CDS1: variants seen among roughly 807,000 people sequenced by gnomAD.
CDS1 encodes the protein CDP-diacylglycerol synthase 1.
A neutral mutation model predicts 62.1 loss-of-function variants in CDS1; 41 were observed. That is an observed-to-expected ratio of 0.66 (90% CI 0.51 to 0.86). The LOEUF is 0.86. CDS1 is among the 40% of genes least tolerant of loss of function. The pLI is 0.00. For synonymous variants in CDS1, 185 were observed against 192.6 expected, an observed-to-expected ratio of 0.96 and a Z score of 0.32; for missense variants, 470 against 550.1, an observed-to-expected ratio of 0.85 and a Z score of 1.46.
intron 4 of CDS1, among the ~76,000 whole-genome samples, chr4:84,618,243 T>C (rs1723562583): frequency 6.6e-6 from 1 of 152,188 alleles, no homozygotes; most frequent in Non-Finnish European, 1.5e-5. Context: ...AGTTGATAAA[T>C]ATCAACCAGG....
At chr4:84,620,037 AAAAAG>A (rs1418342315) in intron 5 of CDS1, among the ~76,000 whole-genome samples, 52 of 151,422 alleles carry the variant, frequency 3.4e-4, no homozygotes, top group Non-Finnish European at 4.7e-4. Context: ...AAAAAAAAAA[AAAAAG>A]AAAGAATCAC....
At position 84,650,225 on chromosome 4, in the gene CDS1, G is replaced by GA. The variant is rs1330841141; in HGVS notation, c.*1540dup. On this transcript the variant is annotated 3_prime_UTR_variant, in exon 13 of 13. Coordinates refer to ENST00000295887, the MANE Select transcript of CDS1 (RefSeq NM_001263.4). ...CCAGCACCTCCTCACATGCACACAT[G>GA]ATTAGACATAGGTGCACTCGGTACC... 1.3e-5 allele frequency: 2 copies of GA among 152,142 alleles called. No homozygotes were observed. The highest frequency in any genetic ancestry group is 2.9e-5 in the Non-Finnish European group (2 of 68,036). 9.4% of individuals were successfully genotyped at this position (152,142 alleles called of 1,614,324 possible).
chr4:84,604,851 C>T (rs1457179949), intron 2 of CDS1, among the ~76,000 whole-genome samples: 4 of 152,076 alleles, frequency 2.6e-5, no homozygotes, highest in Non-Finnish European at 5.9e-5. Flanking sequence ...CTCCTGGGCT[C>T]AAGCAGTCTG....
At chr4:84,615,341 A>G (rs1723455203) in intron 3 of CDS1, among the ~76,000 whole-genome samples, 1 of 152,032 alleles carries the variant, frequency 6.6e-6, no homozygotes, top group Admixed American at 6.6e-5. Context: ...TCACCGCCCC[A>G]GCCCACTGTT....
Position 84,631,824 on chromosome 4 carries a change from T to A in CDS1, c.586T>A (p.Cys196Ser), listed in dbSNP as rs779827040. 6.2e-7 allele frequency: 1 copy of A among 1,612,554 alleles called. No individual in the cohort carries two copies. The highest frequency in any genetic ancestry group is 8.5e-7 in the Non-Finnish European group (1 of 1,178,658). ...TGTTTTTTGTTCTTGAACAGGTTTC[T>A]GCATGTTTGTACTGAGTTTGGTGAA... Reference protein sequence around the residue: ...ISFALYLAGFCMFVLSLVKKH... With the variant: ...ISFALYLAGFSMFVLSLVKKH... The change falls in exon 6 of 13, where the codon TGC becomes AGC. Residue 196 changes from cysteine (C) to serine (S), a missense_variant. Physicochemically the swap from Cys to Ser is moderately radical, Grantham distance 112. Around this residue, in one of 5 missense-constraint regions of CDS1, gnomAD observed 214 missense variants for 242.4 expected, o/e 0.88. Coordinates refer to ENST00000295887, the MANE Select transcript of CDS1 (RefSeq NM_001263.4).
intron 1 of CDS1, among the ~76,000 whole-genome samples, chr4:84,597,278 A>G (rs895025907): frequency 2.0e-5 from 3 of 152,168 alleles, no homozygotes; most frequent in Admixed American, 6.5e-5. Flanking sequence ...GGCTTTATCA[A>G]TTATCATTAA....
chr4:84,626,907 G>A (rs568479547), intron 5 of CDS1, among the ~76,000 whole-genome samples: 49 of 152,292 alleles, frequency 3.2e-4, no homozygotes, highest in African/African-American at 1.1e-3. Flanking sequence ...TGTTTGCTGA[G>A]TCTTGAGGCC....
Position 84,617,590 on chromosome 4 carries a change from C to T in CDS1, c.369C>T (p.Phe123=). The T allele has an allele frequency of 6.3e-7, 1 of 1,588,864 alleles. No individual in the cohort carries two copies. Among genetic ancestry groups the T allele is most frequent in the Non-Finnish European group, 8.6e-7 (1 of 1,160,608 alleles). ...LLVLGIQVKC[F]HEIITIGYRV... ...TTCTGGGCATCCAAGTGAAATGCTT[C>T]CATGAAATTATCACTATAGGTTATA... The change falls in exon 4 of 13, where the codon TTC becomes TTT. Residue 123 remains phenylalanine, a synonymous_variant. Coordinates refer to ENST00000295887, the MANE Select transcript of CDS1 (RefSeq NM_001263.4).
chr4:84,593,569 A>G (rs976316885), intron 1 of CDS1, among the ~76,000 whole-genome samples: 2 of 151,996 alleles, frequency 1.3e-5, no homozygotes, highest in Admixed American at 6.6e-5. Flanking sequence ...CAGTGGCACA[A>G]TCTTGGCTCA....
rs919487576 is a variant in CDS1, at chr4:84,649,286, C to T, written c.*600C>T. On this transcript the variant is annotated 3_prime_UTR_variant, in exon 13 of 13. Coordinates refer to ENST00000295887, the MANE Select transcript of CDS1 (RefSeq NM_001263.4). ...TAGTTTCAAAATTCAGGGGAGGGAG[C>T]CTGAAATTTTTGCCATGATTGGTTT... The T allele has an allele frequency of 1.3e-5, 2 of 152,028 alleles. No homozygotes were observed. Among genetic ancestry groups the T allele is most frequent in the African/African-American group, 4.8e-5 (2 of 41,370 alleles). The allele number at this position is 152,028 out of a possible 1,614,324, so 9.4% of individuals were successfully genotyped here. A position where few individuals can be genotyped will look rare whatever the true frequency, so the allele number is the denominator to read the frequency against.
chr4:84,645,336 AC>A lies in CDS1; in HGVS notation c.1256+12del. 6.9e-7 allele frequency: 1 copy of A among 1,449,672 alleles called. No individual in the cohort carries two copies. Among genetic ancestry groups the A allele is most frequent in the Non-Finnish European group, 9.7e-7 (1 of 1,034,878 alleles). The allele number at this position is 1,449,672 out of a possible 1,614,324, so 89.8% of individuals were successfully genotyped here. A position where few individuals can be genotyped will look rare whatever the true frequency, so the allele number is the denominator to read the frequency against. On this transcript the variant is annotated intron_variant, in intron 12 of 12. Transcript: ENST00000295887. ...CACAAGTTTTATAAGGTACTTTTAC[AC>A]TTGAGACATTTTTTAGATGATTTCT...
intron 1 of CDS1, among the ~76,000 whole-genome samples, chr4:84,594,566 G>C (rs1722692310): frequency 6.6e-6 from 1 of 151,940 alleles, no homozygotes; most frequent in Admixed American, 6.6e-5. Context: ...GCATATTCTA[G>C]TTCTCTATAG....
At chr4:84,597,713 A>C (rs1467758656) in intron 1 of CDS1, among the ~76,000 whole-genome samples, 1 of 152,166 alleles carries the variant, frequency 6.6e-6, no homozygotes, top group Non-Finnish European at 1.5e-5. Context: ...TCGTTCACCA[A>C]ACTGCTGACT....
Position 84,651,153 on chromosome 4 carries a change from T to C in CDS1, c.*2467T>C, listed in dbSNP as rs1325895227. 6.6e-6 allele frequency: 1 copy of C among 152,218 alleles called. No individual in the cohort carries two copies. The highest frequency in any genetic ancestry group is 6.5e-5 in the Admixed American group (1 of 15,288). The allele number at this position is 152,218 out of a possible 1,614,324, so 9.4% of individuals were successfully genotyped here. A position where few individuals can be genotyped will look rare whatever the true frequency, so the allele number is the denominator to read the frequency against. ...ACACACACCCCTCTTTTTAAAATTA[T>C]TGTATCTCTTCCTTTTCACTTTGGT... On this transcript the variant is annotated 3_prime_UTR_variant, in exon 13 of 13. Coordinates refer to ENST00000295887, the MANE Select transcript of CDS1 (RefSeq NM_001263.4).
intron 2 of CDS1, among the ~76,000 whole-genome samples, chr4:84,605,860 A>G (rs1193665697): frequency 6.6e-6 from 1 of 152,178 alleles, no homozygotes; most frequent in Non-Finnish European, 1.5e-5. Flanking sequence ...GCAGCCTTGT[A>G]ACACAGGTAT....
intron 1 of CDS1, among the ~76,000 whole-genome samples, chr4:84,592,212 G>A (rs1023679729): frequency 7.5e-6 from 1 of 133,920 alleles, no homozygotes; most frequent in Non-Finnish European, 1.5e-5. Context: ...CACCCAGGCT[G>A]GAGTGCAGTG....
chr4:84,603,010 CATT>C (rs1722984209), intron 1 of CDS1, among the ~76,000 whole-genome samples: 1 of 152,162 alleles, frequency 6.6e-6, no homozygotes, highest in Non-Finnish European at 1.5e-5. Context: ...CGAAGACTAA[CATT>C]ATATTTGGTG....
chr4:84,593,801 C>T (rs1244769591), intron 1 of CDS1, among the ~76,000 whole-genome samples: 3 of 152,062 alleles, frequency 2.0e-5, no homozygotes, highest in Non-Finnish European at 4.4e-5. Flanking sequence ...ACCGTGCTGG[C>T]CTACAAGTGG....
intron 11 of CDS1, among the ~76,000 whole-genome samples, 175 bp from the exon 12 acceptor site, chr4:84,645,047 G>C (rs905185895): frequency 6.6e-6 from 1 of 152,188 alleles, no homozygotes; most frequent in Non-Finnish European, 1.5e-5. Context: ...CATGTATTTG[G>C]AAGATGTGGT....
Sources: allele counts gnomAD v4.1 joint callset (sites outside exome capture counted in the v4.1 genomes callset), GRCh38; gene constraint gnomAD v4.1.1; regional missense constraint gnomAD v4.1.1; transcripts MANE v1.5; gene names NCBI Gene and HGNC (gene_info 2026-07-23, HGNC 2026-07-21).